The following RBFOX1 variants were observed in gnomAD, a reference collection of about 807,000 sequenced individuals.
RBFOX1 encodes the protein RNA binding protein fox-1 homolog 1.
RBFOX1 carries 8 observed loss-of-function variants against 57.7 expected under a neutral mutation model. The observed-to-expected ratio is 0.14, with a 90% CI of 0.08 to 0.25. The LOEUF is 0.25. Ranked by LOEUF, RBFOX1 falls within the 10% of genes least tolerant of loss-of-function variation. The pLI is 1.00. For missense variants in RBFOX1, 611 were observed against 548.5 expected (o/e 1.11, Z -1.14); for synonymous variants, 326 against 222.4 (o/e 1.47, Z -4.15).
intron 2 of RBFOX1, among the ~76,000 whole-genome samples, chr16:6,595,978 CTTTTTA>C (rs775148276): frequency 3.8e-4 from 58 of 150,778 alleles, no homozygotes; most frequent in African/African-American, 1.1e-3. Flanking sequence ...TTTAATGGAA[CTTTTTA>C]TTTTTAAGTT....
At chr16:6,534,627 C>T (rs1170894820) in intron 2 of RBFOX1, among the ~76,000 whole-genome samples, 12 of 152,086 alleles carry the variant, frequency 7.9e-5, no homozygotes, top group Non-Finnish European at 5.9e-5. Context: ...CGTCACAAGA[C>T]CGCAATCTAC....
intron 2 of RBFOX1, among the ~76,000 whole-genome samples, chr16:6,589,496 A>G (rs1344682685): frequency 6.6e-6 from 1 of 152,192 alleles, no homozygotes; most frequent in African/African-American, 2.4e-5. Flanking sequence ...GAGCCAGTTG[A>G]TCCATATGGG....
chr16:5,975,209 CT>C (rs1454120570), intron 4 of RBFOX1, among the ~76,000 whole-genome samples: 1 of 152,118 alleles, frequency 6.6e-6, no homozygotes, highest in Non-Finnish European at 1.5e-5. Flanking sequence ...TCGATGCCGG[CT>C]TGGGATGGCC....
chr16:6,458,016 A>AAG (rs1212782013), intron 2 of RBFOX1, among the ~76,000 whole-genome samples: 3 of 151,900 alleles, frequency 2.0e-5, no homozygotes, highest in Middle Eastern at 3.2e-3. Flanking sequence ...AAACTGAAAA[A>AAG]AAAAAGAATC....
At chr16:6,923,345 C>G (rs889366465) in intron 3 of RBFOX1, among the ~76,000 whole-genome samples, 1 of 152,056 alleles carries the variant, frequency 6.6e-6, no homozygotes, top group Non-Finnish European at 1.5e-5. Flanking sequence ...ACCAGCCTGG[C>G]CAACATGGTG....
chr16:5,657,960 G>C (rs1477227744), intron 3 of RBFOX1, among the ~76,000 whole-genome samples: 1 of 151,816 alleles, frequency 6.6e-6, no homozygotes, highest in African/African-American at 2.4e-5. Context: ...TTGAACTCCT[G>C]ATTTCAGGTG....
chr16:6,804,207 A>G (rs2086170692), intron 3 of RBFOX1, among the ~76,000 whole-genome samples: 1 of 151,840 alleles, frequency 6.6e-6, no homozygotes, highest in South Asian at 2.1e-4. Context: ...ATGGGGTTTC[A>G]CTTTGTTGGC....
chr16:6,943,317 T>C (rs1460741390), intron 3 of RBFOX1, among the ~76,000 whole-genome samples: 1 of 152,168 alleles, frequency 6.6e-6, no homozygotes, highest in South Asian at 2.1e-4. Flanking sequence ...AAACCAAATA[T>C]GGCTTGAAAA....
At chr16:6,433,032 T>G (rs2094140820) in intron 2 of RBFOX1, among the ~76,000 whole-genome samples, 1 of 152,156 alleles carries the variant, frequency 6.6e-6, no homozygotes. Context: ...TCATGCTGTC[T>G]TACTTGTGAG....
At chr16:6,132,639 G>A (rs1345434259) in intron 1 of RBFOX1, among the ~76,000 whole-genome samples, 1 of 152,174 alleles carries the variant, frequency 6.6e-6, no homozygotes, top group African/African-American at 2.4e-5. Context: ...AGCGAAGGTG[G>A]CATGGACTGT....
chr16:7,304,372 C>A (rs1038999065), intron 4 of RBFOX1: 2 of 985,364 alleles, frequency 2.0e-6, no homozygotes, highest in Non-Finnish European at 2.4e-6. Flanking sequence ...GCTCGGCGGG[C>A]GCCAGAGAGA....
chr16:7,403,566 C>T (rs1015192277), intron 4 of RBFOX1, among the ~76,000 whole-genome samples: 6 of 144,658 alleles, frequency 4.1e-5, no homozygotes, highest in Non-Finnish European at 6.1e-5. Context: ...AGAGAATCCC[C>T]CCCCCCCCAC....
intron 4 of RBFOX1, among the ~76,000 whole-genome samples, chr16:7,321,576 T>C (rs974248171): frequency 1.1e-4 from 16 of 152,256 alleles, no homozygotes; most frequent in Non-Finnish European, 1.6e-4. Flanking sequence ...TTGACCACTC[T>C]GTGTCTTGTT....
intron 14 of RBFOX1, among the ~76,000 whole-genome samples, chr16:7,692,916 A>G (rs956918898): frequency 6.6e-6 from 1 of 151,994 alleles, no homozygotes; most frequent in Non-Finnish European, 1.5e-5. Flanking sequence ...TAAGTCTAGA[A>G]TTTTATAATT....
At chr16:6,013,028 T>C (rs2094970940) in intron 4 of RBFOX1, among the ~76,000 whole-genome samples, 1 of 152,198 alleles carries the variant, frequency 6.6e-6, no homozygotes, top group Non-Finnish European at 1.5e-5. Context: ...GTATTAATAG[T>C]AACTATTAAT....
At position 6,483,072 on chromosome 16, in the gene RBFOX1, G is replaced by C. The variant is rs1021506640; in HGVS notation, c.-64+166015G>C. 6 of 936,798 alleles carry C rather than the reference G, an allele frequency of 6.4e-6. 1 individual carries two copies. Among genetic ancestry groups the C allele is most frequent in the East Asian group, 1.1e-4 (1 of 8,776 alleles). 58.0% of individuals were successfully genotyped at this position (936,798 alleles called of 1,614,324 possible). On this transcript the variant is annotated intron_variant, in intron 2 of 15. Coordinates refer to ENST00000550418, the MANE Select transcript of RBFOX1 (RefSeq NM_018723.4). ...GATACCGCAGCCAGCTCGGAGCTTT[G>C]CAAGTGCCTCCGACCCGTAGGGGCG...
At chr16:6,090,437 T>C (rs1353104420) in intron 1 of RBFOX1, among the ~76,000 whole-genome samples, 1 of 152,238 alleles carries the variant, frequency 6.6e-6, no homozygotes, top group Non-Finnish European at 1.5e-5. Flanking sequence ...AGCAGTCTTT[T>C]AGGTTAATGT....
intron 3 of RBFOX1, among the ~76,000 whole-genome samples, chr16:6,714,189 A>G (rs2064304544): frequency 6.6e-6 from 1 of 152,156 alleles, no homozygotes; most frequent in South Asian, 2.1e-4. Context: ...TGCCTGCCTC[A>G]ACTTCTGCCA....
At chr16:5,974,236 G>C (rs1436024812) in intron 4 of RBFOX1, among the ~76,000 whole-genome samples, 1 of 152,132 alleles carries the variant, frequency 6.6e-6, no homozygotes, top group East Asian at 1.9e-4. Context: ...GTTGCATTTG[G>C]AACTGCAAAG....
Sources: allele counts gnomAD v4.1 joint callset (sites outside exome capture counted in the v4.1 genomes callset), GRCh38; gene constraint gnomAD v4.1.1; transcripts MANE v1.5; gene names NCBI Gene and HGNC (gene_info 2026-07-23, HGNC 2026-07-21).